The following EGFR variants were observed in gnomAD, a reference collection of about 807,000 sequenced individuals.
The protein encoded by EGFR is epidermal growth factor receptor.
In EGFR, 58 loss-of-function variants were observed where a neutral mutation model predicts 143.0. The ratio of observed to expected loss-of-function variants is 0.41; its 90% CI spans 0.33 to 0.50. The LOEUF is 0.50. Among genes scored for constraint, EGFR ranks in the 20% least tolerant of loss-of-function variants. EGFR has a pLI of 0.39. For synonymous variants in EGFR, 613 were observed against 594.4 expected, an observed-to-expected ratio of 1.03 and a Z score of -0.45; for missense variants, 1,307 against 1,579.0, an observed-to-expected ratio of 0.83 and a Z score of 2.92.
intron 1 of EGFR, among the ~76,000 whole-genome samples, chr7:55,088,547 A>G (rs1328353290): frequency 1.3e-5 from 2 of 152,196 alleles, no homozygotes; most frequent in East Asian, 3.9e-4. Flanking sequence ...TGCAAATTAG[A>G]TGCCTGGCAC....
chr7:55,070,946 T>A (rs944273352), intron 1 of EGFR, among the ~76,000 whole-genome samples: 2 of 152,270 alleles, frequency 1.3e-5, no homozygotes, highest in Non-Finnish European at 2.9e-5. Context: ...AAAGTTTTGC[T>A]TTATTCCATG....
rs181936508 is a variant in EGFR, at chr7:55,104,154, G to A, written c.89-38132G>A. Among the ~76,000 whole-genome samples the A allele has an allele frequency of 7.6e-4, 115 of 152,290 alleles. 1 individual carries two copies. The highest frequency in any genetic ancestry group is 2.4e-3 in the African/African-American group (99 of 41,554). The stretch of plus-strand genomic sequence containing the variant: ...GCTACCGATAAAGGAGCAGCTTCTC[G>A]AATGCTCCTGTCTGGTAGGCACTAT... On this transcript the variant is annotated intron_variant, in intron 1 of 27. Coordinates refer to ENST00000275493, the MANE Select transcript of EGFR (RefSeq NM_005228.5).
rs546284292 is a variant in EGFR at position 55,100,151 on chromosome 7, C to T, written c.89-42135C>T. On this transcript the variant is annotated intron_variant, in intron 1 of 27. Coordinates refer to ENST00000275493, the MANE Select transcript of EGFR (RefSeq NM_005228.5). The stretch of plus-strand genomic sequence containing the variant: ...ACTGTGGTGGCTTTGCCTTTCAGCA[C>T]GCATCCTTTCTACGATGCCTGACAG... 3.9e-5 allele frequency among the ~76,000 whole-genome samples: 6 copies of T among 152,328 alleles called. No individual in the cohort carries two copies. The South Asian group carries it at 1.0e-3, about 26-fold the overall frequency.
chr7:55,043,136 G>A (rs1188909239), intron 1 of EGFR, among the ~76,000 whole-genome samples: 1 of 152,104 alleles, frequency 6.6e-6, no homozygotes, highest in Non-Finnish European at 1.5e-5. Flanking sequence ...TGGCATGGCC[G>A]TAGACTCAAT....
At chr7:55,083,516 GTTGGT>G (rs916471058) in intron 1 of EGFR, among the ~76,000 whole-genome samples, 6 of 152,206 alleles carry the variant, frequency 3.9e-5, no homozygotes, top group Non-Finnish European at 8.8e-5. Context: ...AAAACACATG[GTTGGT>G]CACTCTTAGA....
intron 1 of EGFR, chr7:55,119,277 CAGAG>C (rs1793057289): frequency 6.6e-6 from 1 of 152,176 alleles, no homozygotes; most frequent in Admixed American, 6.5e-5. Flanking sequence ...TGAGGTGTAA[CAGAG>C]AGAGATTACA....
intron 1 of EGFR, among the ~76,000 whole-genome samples, chr7:55,081,657 G>T (rs182577144): frequency 6.6e-6 from 1 of 151,920 alleles, no homozygotes. Context: ...AACCCTGGGC[G>T]AGGAGGGGCC....
In EGFR at chr7:55,205,336, G is replaced by A. The variant is rs770749711; in HGVS notation, c.3352G>A (p.Ala1118Thr). 32 of 1,612,238 alleles carry A rather than the reference G, an allele frequency of 2.0e-5. No individual in the cohort carries two copies. Among genetic ancestry groups the A allele is most frequent in the South Asian group, 4.4e-5 (4 of 90,844 alleles). ...PVYHNQPLNP[A>T]PSRDPHYQDP... ...CTATCACAATCAGCCTCTGAACCCC[G>A]CGCCCAGCAGAGACCCACACTACCA... The change falls in exon 28 of 28, where the codon GCG (alanine) becomes ACG (threonine). Residue 1118 changes from alanine (A) to threonine (T), a missense_variant. By Grantham distance (58) the Ala-to-Thr change is moderately conservative. Around this residue, in one of 7 missense-constraint regions of EGFR, gnomAD observed 313 missense variants for 312.3 expected, o/e 1.00. Transcript: ENST00000275493.
intron 1 of EGFR, among the ~76,000 whole-genome samples, chr7:55,053,733 C>T (rs116194281): frequency 2.6e-5 from 4 of 152,248 alleles, no homozygotes; most frequent in African/African-American, 9.6e-5. Flanking sequence ...GCACTCCGCT[C>T]CCCAACCCAG....
chr7:55,089,678 A>C (rs1024037090), intron 1 of EGFR, among the ~76,000 whole-genome samples: 1 of 152,200 alleles, frequency 6.6e-6, no homozygotes, highest in Non-Finnish European at 1.5e-5. Flanking sequence ...GCCTACTGAC[A>C]CATCTCCAGT....
At chr7:55,023,650 C>CAAAAAAA (rs11372886) in intron 1 of EGFR, among the ~76,000 whole-genome samples, 1 of 94,016 alleles carries the variant, frequency 1.1e-5, no homozygotes, top group Non-Finnish European at 2.1e-5. Context: ...GACTCCATCT[C>CAAAAAAA]AAAAAAAAAA....
In EGFR at chr7:55,027,991, A is replaced by AATATAT. The variant is rs374300539; in HGVS notation, c.88+8656_88+8661dup. ...GCCTTTATGTAAAAAAAAAAAAAAA[A>AATATAT]ATATATATATATATATATATATATA... On this transcript the variant is annotated intron_variant, in intron 1 of 27. Coordinates refer to ENST00000275493, the MANE Select transcript of EGFR (RefSeq NM_005228.5). Among the ~76,000 whole-genome samples the AATATAT allele has an allele frequency of 3.6e-3, 197 of 54,926 alleles. 2 individuals are homozygous for AATATAT. The highest frequency in any genetic ancestry group is 0.015 in the South Asian group (17 of 1,156). The allele number at this position is 54,926 out of a possible 152,430, so 36.0% of individuals were successfully genotyped here.
At chr7:55,109,908 T>G in intron 1 of EGFR, 1 of 985,504 alleles carries the variant, frequency 1.0e-6, no homozygotes, top group Non-Finnish European at 1.2e-6. Context: ...TGCTGTGGGT[T>G]CCCTCCGGCA....
intron 1 of EGFR, among the ~76,000 whole-genome samples, chr7:55,040,694 C>T (rs942142202): frequency 1.3e-5 from 2 of 152,112 alleles, no homozygotes; most frequent in Non-Finnish European, 2.9e-5. Context: ...TGACAACATG[C>T]CTTTTTCCCA....
chr7:55,105,475 A>G (rs892519390), intron 1 of EGFR, among the ~76,000 whole-genome samples: 1 of 152,258 alleles, frequency 6.6e-6, no homozygotes, highest in Non-Finnish European at 1.5e-5. Flanking sequence ...CTGATAAAAC[A>G]GAGTCTTTCA....
At chr7:55,084,954 T>C (rs148726102) in intron 1 of EGFR, among the ~76,000 whole-genome samples, 3 of 152,246 alleles carry the variant, frequency 2.0e-5, no homozygotes, top group African/African-American at 7.2e-5. Flanking sequence ...TAGTCAGGCA[T>C]ATTGTCACAC....
chr7:55,143,976 T>A (rs1390774819), intron 3 of EGFR, among the ~76,000 whole-genome samples: 1 of 152,132 alleles, frequency 6.6e-6, no homozygotes, highest in Non-Finnish European at 1.5e-5. Context: ...ACTTTGAATT[T>A]TTGTGAGCAG....
Position 55,192,156 on chromosome 7 carries a change from T to A in EGFR, c.2625+282T>A, listed in dbSNP as rs1787424512. Among the ~76,000 whole-genome samples the A allele has an allele frequency of 2.0e-5, 3 of 152,110 alleles. No homozygotes were observed. The South Asian group carries it at 6.2e-4, about 31-fold the overall frequency. On this transcript the variant is annotated intron_variant, in intron 21 of 27. Coordinates refer to ENST00000275493, the MANE Select transcript of EGFR (RefSeq NM_005228.5). ...TTTCAGTCTCTCCCTGCAGGATATA[T>A]AAGTCCCCTTCAATAGCGCAATTGG...
intron 4 of EGFR, among the ~76,000 whole-genome samples, chr7:55,148,139 C>CGGTA (rs1213259977): frequency 6.6e-6 from 1 of 152,124 alleles, no homozygotes; most frequent in African/African-American, 2.4e-5. Context: ...CACCAGATAC[C>CGGTA]CATCCTGACA....
Sources: gnomAD v4.1 joint callset for allele counts (sites outside exome capture counted in the v4.1 genomes callset) on GRCh38, gnomAD v4.1.1 for gene constraint, gnomAD v4.1.1 regional missense constraint, MANE v1.5 for transcripts, NCBI Gene and HGNC (gene_info 2026-07-23, HGNC 2026-07-21) for gene names.